Variants in CCL28 observed in about 807,000 individuals in gnomAD.
CCL28 encodes C-C motif chemokine ligand 28.
A neutral mutation model predicts 7.1 loss-of-function variants in CCL28; 4 were observed. The ratio of observed to expected loss-of-function variants is 0.56; its 90% CI spans 0.28 to 1.29. The LOEUF is 1.29. Ranked by LOEUF, CCL28 falls within the 50% of genes most tolerant of loss-of-function variation. CCL28 has a pLI of 0.11. For missense variants in CCL28, 151 were observed against 163.4 expected, an observed-to-expected ratio of 0.92 and a Z score of 0.41; for synonymous variants, 55 against 57.8, an observed-to-expected ratio of 0.95 and a Z score of 0.22.
At chr5:43,379,146 A>G (rs868761427), downstream of CCL28, 3 of 152,168 alleles carry the variant, frequency 2.0e-5, no homozygotes, top group Non-Finnish European at 4.4e-5. Flanking sequence ...GAAGAAATAA[A>G]ATGGAAAATA....
At chr5:43,367,113 C>T in the CCL28 span, among the ~76,000 whole-genome samples, 3 of 152,254 alleles carry the variant, frequency 2.0e-5, no homozygotes, top group African/African-American at 7.2e-5. Context: ...AGGTGGACTT[C>T]AGACTGCTGT....
At chr5:43,396,262 A>G (rs1303044608) in intron 1 of CCL28, among the ~76,000 whole-genome samples, 1 of 152,098 alleles carries the variant, frequency 6.6e-6, no homozygotes, top group Admixed American at 6.6e-5. Context: ...TGTAGTAGTG[A>G]GGGCGACCAG....
the CCL28 span, among the ~76,000 whole-genome samples, chr5:43,369,044 GA>G: frequency 4.6e-5 from 1 of 21,738 alleles, no homozygotes; most frequent in Non-Finnish European, 8.2e-5. Context: ...GAAAGAGAGA[GA>G]GAGAGAGAGA....
At chr5:43,396,580 A>G (rs982841895) in intron 1 of CCL28, among the ~76,000 whole-genome samples, 2 of 152,194 alleles carry the variant, frequency 1.3e-5, no homozygotes, top group African/African-American at 4.8e-5. Flanking sequence ...CTCATGGGTT[A>G]AAGAGGAAAC....
intron 1 of CCL28, among the ~76,000 whole-genome samples, chr5:43,408,669 G>A (rs1741404404): frequency 6.6e-6 from 1 of 152,046 alleles, no homozygotes; most frequent in African/African-American, 2.4e-5. Context: ...GTATGTGTGG[G>A]TTCACATTGC....
At chr5:43,370,439 T>C in the CCL28 span, among the ~76,000 whole-genome samples, 4 of 152,152 alleles carry the variant, frequency 2.6e-5, no homozygotes, top group East Asian at 7.7e-4. Context: ...TGGAGCAATA[T>C]TGCAGACATC....
At chr5:43,375,475 A>AAG (rs1195639310), downstream of CCL28, among the ~76,000 whole-genome samples, 4 of 148,040 alleles carry the variant, frequency 2.7e-5, no homozygotes, top group Non-Finnish European at 1.5e-5. Flanking sequence ...AAAAAAAAAA[A>AAG]AAAAAAAAAA....
chr5:43,390,513 C>T (rs1034449937), intron 1 of CCL28, among the ~76,000 whole-genome samples: 2 of 152,220 alleles, frequency 1.3e-5, no homozygotes, highest in African/African-American at 4.8e-5. Context: ...CCCAACAGAT[C>T]CATCTGGGAA....
At chr5:43,362,568 G>T in the CCL28 span, among the ~76,000 whole-genome samples, 4 of 152,050 alleles carry the variant, frequency 2.6e-5, no homozygotes, top group African/African-American at 9.7e-5. Flanking sequence ...AGTAATAATT[G>T]CTAACTCCAT....
In CCL28 at chr5:43,380,793, G is replaced by A. The variant is rs1740078719; in HGVS notation, c.*1067C>T. ...ACTGCACTCCAGCCTGGAAGACACA[G>A]CAAGACCCTCCCTCAACAAAATAAT... On this transcript the variant is annotated 3_prime_UTR_variant, in exon 3 of 3. Transcript: ENST00000361115. 1 of 151,420 alleles carries A rather than the reference G, an allele frequency of 6.6e-6. No homozygotes were observed. Among genetic ancestry groups the A allele is most frequent in the Non-Finnish European group, 1.5e-5 (1 of 67,928 alleles). 9.4% of individuals were successfully genotyped at this position (151,420 alleles called of 1,614,324 possible). A position where few individuals can be genotyped will look rare whatever the true frequency, so the allele number is the denominator to read the frequency against.
At chr5:43,370,735 T>C in the CCL28 span, among the ~76,000 whole-genome samples, 1 of 100,518 alleles carries the variant, frequency 9.9e-6, no homozygotes, top group Non-Finnish European at 2.1e-5. Context: ...TTTATCTCTC[T>C]TTCTCTCTCT....
chr5:43,385,057 C>T (rs548354224), intron 2 of CCL28, among the ~76,000 whole-genome samples: 9 of 152,246 alleles, frequency 5.9e-5, no homozygotes, highest in African/African-American at 1.2e-4. Flanking sequence ...CCACCATGCC[C>T]GGCTAATTTT....
At chr5:43,359,487 C>A in the CCL28 span, among the ~76,000 whole-genome samples, 1 of 152,176 alleles carries the variant, frequency 6.6e-6, no homozygotes, top group African/African-American at 2.4e-5. Context: ...TGCCCTGGGT[C>A]GGGCAGGTGT....
chr5:43,405,035 C>T (rs896886657), intron 1 of CCL28, among the ~76,000 whole-genome samples: 6 of 152,148 alleles, frequency 3.9e-5, no homozygotes, highest in Non-Finnish European at 8.8e-5. Context: ...TACAAAGAGA[C>T]TTAGACTCCC....
intron 1 of CCL28, among the ~76,000 whole-genome samples, chr5:43,408,892 AC>A (rs1741418096): frequency 8.3e-6 from 1 of 121,074 alleles, no homozygotes; most frequent in South Asian, 2.5e-4. Context: ...GTAATTTTTT[AC>A]TTTTTTTTTT....
At chr5:43,404,204 T>G (rs1741167752) in intron 1 of CCL28, among the ~76,000 whole-genome samples, 1 of 152,102 alleles carries the variant, frequency 6.6e-6, no homozygotes, top group Admixed American at 6.5e-5. Context: ...GACACATAAT[T>G]GTCAGATTCA....
chr5:43,375,082 C>T (rs561383226), downstream of CCL28, among the ~76,000 whole-genome samples: 469 of 152,014 alleles, frequency 3.1e-3, 2 homozygotes, highest in Admixed American at 6.0e-3. Flanking sequence ...CTCCACCTCC[C>T]AGGTTCAAGC....
intron 2 of CCL28, among the ~76,000 whole-genome samples, chr5:43,385,738 A>G (rs1248406007): frequency 6.6e-6 from 1 of 152,252 alleles, no homozygotes; most frequent in Admixed American, 6.5e-5. Context: ...GTCAATTTAC[A>G]AATTGTGCTT....
At chr5:43,394,124 A>C (rs752572081) in intron 1 of CCL28, among the ~76,000 whole-genome samples, 4 of 152,128 alleles carry the variant, frequency 2.6e-5, no homozygotes, top group Non-Finnish European at 5.9e-5. Flanking sequence ...CACTCCTTAA[A>C]TCTTCAAGTT....
Sources: allele counts gnomAD v4.1 joint callset (sites outside exome capture counted in the v4.1 genomes callset), GRCh38; gene constraint gnomAD v4.1.1; transcripts MANE v1.5; gene names NCBI Gene and HGNC (gene_info 2026-07-23, HGNC 2026-07-21).